SLC44A1: variants seen among roughly 807,000 people sequenced by gnomAD.
SLC44A1 encodes the protein choline transporter-like protein 1.
SLC44A1 carries 26 observed loss-of-function variants against 79.3 expected under a neutral mutation model. The ratio of observed to expected loss-of-function variants is 0.33; its 90% CI spans 0.24 to 0.46. SLC44A1 has a LOEUF of 0.46. SLC44A1 is among the 20% of genes least tolerant of loss of function. The pLI, the probability that SLC44A1 is intolerant of heterozygous loss-of-function variation, is 1.00. For missense variants in SLC44A1, 688 were observed against 798.1 expected (o/e 0.86, Z 1.66); for synonymous variants, 263 against 286.2 (o/e 0.92, Z 0.82).
chr9:105,361,300 C>G lies in SLC44A1; in HGVS notation c.870C>G (p.Leu290=). The G allele has an allele frequency of 6.2e-7, 1 of 1,612,474 alleles. No homozygotes were observed. Among genetic ancestry groups the G allele is most frequent in the East Asian group, 2.2e-5 (1 of 44,868 alleles). Residue 290 remains leucine (L), a synonymous_variant, in exon 8 of 16, where the codon CTC becomes CTG. Coordinates refer to ENST00000374720, the MANE Select transcript of SLC44A1 (RefSeq NM_080546.5). Reference sequence around the variant, plus strand: ...CTGAAGACAATCTTCGGGCCCTCCTCATTTATGCCATTTCAGCTACAGTGT... The same window carrying G: ...CTGAAGACAATCTTCGGGCCCTCCTGATTTATGCCATTTCAGCTACAGTGT... ...QIAEDNLRAL[L]IYAISATVFT...
intron 2 of SLC44A1, among the ~76,000 whole-genome samples, chr9:105,307,007 A>G (rs1312279837): frequency 2.0e-5 from 3 of 152,208 alleles, no homozygotes; most frequent in Admixed American, 2.0e-4. Flanking sequence ...GTTCTAAAAT[A>G]GAGAACCAAA....
At chr9:105,341,315 A>C (rs1827080517) in intron 4 of SLC44A1, among the ~76,000 whole-genome samples, 1 of 150,970 alleles carries the variant, frequency 6.6e-6, no homozygotes, top group African/African-American at 2.4e-5. Flanking sequence ...AGCCTGGGCA[A>C]CAAGAACGAA....
chr9:105,401,522 T>G (rs1187386272), downstream of SLC44A1, among the ~76,000 whole-genome samples: 1 of 152,152 alleles, frequency 6.6e-6, no homozygotes, highest in Non-Finnish European at 1.5e-5. Context: ...CAAATCTAAA[T>G]GGATTTAGGA....
downstream of SLC44A1, among the ~76,000 whole-genome samples, chr9:105,400,001 G>A (rs1828935892): frequency 6.6e-6 from 1 of 151,894 alleles, no homozygotes; most frequent in Non-Finnish European, 1.5e-5. Context: ...TTTGAGACCA[G>A]CCTGACCAAC....
At chr9:105,364,113 G>A (rs1257226787) in intron 9 of SLC44A1, among the ~76,000 whole-genome samples, 1 of 152,138 alleles carries the variant, frequency 6.6e-6, no homozygotes, top group Non-Finnish European at 1.5e-5. Flanking sequence ...TAATTGTAAA[G>A]AGTATCATAA....
At chr9:105,281,113 G>A (rs1271948465) in intron 1 of SLC44A1, among the ~76,000 whole-genome samples, 1 of 152,206 alleles carries the variant, frequency 6.6e-6, no homozygotes, top group Admixed American at 6.5e-5. Context: ...GTCATGGAGA[G>A]CACCTTGAGG....
chr9:105,320,584 A>T (rs1020696460), intron 3 of SLC44A1, among the ~76,000 whole-genome samples: 2 of 151,394 alleles, frequency 1.3e-5, no homozygotes, highest in Admixed American at 6.6e-5. Context: ...ATTTTATTTT[A>T]TTTTTTTTAG....
downstream of SLC44A1, among the ~76,000 whole-genome samples, chr9:105,401,977 G>A (rs1410055684): frequency 6.6e-6 from 1 of 152,186 alleles, no homozygotes; most frequent in Non-Finnish European, 1.5e-5. Context: ...TGAAGGATAA[G>A]CAGGGATTAG....
At chr9:105,278,671 A>G (rs750033702) in intron 1 of SLC44A1, among the ~76,000 whole-genome samples, 3 of 152,114 alleles carry the variant, frequency 2.0e-5, no homozygotes, top group Non-Finnish European at 4.4e-5. Context: ...ATGAGCCACC[A>G]TGCCTGGCTG....
At chr9:105,433,616 C>G (rs918822751) in intron 15 of SLC44A1, among the ~76,000 whole-genome samples, 1 of 151,696 alleles carries the variant, frequency 6.6e-6, no homozygotes, top group Non-Finnish European at 1.5e-5. Flanking sequence ...CCTGCCACCC[C>G]ACTCCCCCGC....
Position 105,391,647 on chromosome 9 carries a change from T to C in SLC44A1, c.*2591T>C. 19 of 985,408 alleles carry C rather than the reference T, an allele frequency of 1.9e-5. No individual in the cohort carries two copies. The highest frequency in any genetic ancestry group is 2.3e-5 in the Non-Finnish European group (19 of 829,920). The allele number at this position is 985,408 out of a possible 1,614,324, so 61.0% of individuals were successfully genotyped here. On this transcript the variant is annotated 3_prime_UTR_variant, in exon 16 of 16. Coordinates refer to ENST00000374720, the MANE Select transcript of SLC44A1 (RefSeq NM_080546.5). ...ATATTTAAATGTGTTGAGGTTATGT[T>C]TGGATATTCCTGCTGCCTCTTTTCA...
intron 4 of SLC44A1, among the ~76,000 whole-genome samples, chr9:105,336,583 C>T (rs138800340): frequency 1.3e-4 from 20 of 152,272 alleles, no homozygotes; most frequent in Non-Finnish European, 2.5e-4. Context: ...TCAGAGCTGC[C>T]TTGATCCTGC....
intron 1 of SLC44A1, among the ~76,000 whole-genome samples, chr9:105,264,654 T>C (rs1829918141): frequency 6.6e-6 from 1 of 152,218 alleles, no homozygotes; most frequent in African/African-American, 2.4e-5. Flanking sequence ...CTCCTTTGAG[T>C]AAGCTCAGAT....
chr9:105,400,477 G>T (rs1447763440), downstream of SLC44A1, among the ~76,000 whole-genome samples: 1 of 113,332 alleles, frequency 8.8e-6, no homozygotes, highest in African/African-American at 3.4e-5. Flanking sequence ...GACAGAGCAA[G>T]ACGCCATCTC....
intron 1 of SLC44A1, among the ~76,000 whole-genome samples, chr9:105,284,668 A>G (rs1413109588): frequency 6.6e-6 from 1 of 152,058 alleles, no homozygotes; most frequent in Non-Finnish European, 1.5e-5. Flanking sequence ...CGTATATCTG[A>G]TGCGGTAGCT....
chr9:105,355,446 A>T (rs1012326470), intron 5 of SLC44A1, among the ~76,000 whole-genome samples: 2 of 152,246 alleles, frequency 1.3e-5, no homozygotes, highest in Non-Finnish European at 2.9e-5. Flanking sequence ...AAAATAGCCC[A>T]GAATTATGTG....
chr9:105,320,216 A>G (rs1826347118), intron 3 of SLC44A1, among the ~76,000 whole-genome samples: 2 of 151,770 alleles, frequency 1.3e-5, no homozygotes, highest in Non-Finnish European at 1.5e-5. Context: ...TTACTGAGAA[A>G]TATTCCATTG....
chr9:105,346,821 A>C (rs1021331387), intron 4 of SLC44A1, among the ~76,000 whole-genome samples: 1 of 152,134 alleles, frequency 6.6e-6, no homozygotes, highest in African/African-American at 2.4e-5. Flanking sequence ...TATTGAGCCT[A>C]CCTTAAGCTT....
intron 1 of SLC44A1, 29 bp downstream of exon 1, chr9:105,244,933 G>A: frequency 8.7e-7 from 1 of 1,153,564 alleles, no homozygotes; most frequent in African/African-American, 1.6e-5. Context: ...CCGGCCGCCC[G>A]CCCGGATGCC....
Sources: allele counts gnomAD v4.1 joint callset (sites outside exome capture counted in the v4.1 genomes callset), GRCh38; gene constraint gnomAD v4.1.1; transcripts MANE v1.5; gene names NCBI Gene and HGNC (gene_info 2026-07-23, HGNC 2026-07-21).